The following MAGI2 variants were observed in gnomAD, a reference collection of about 807,000 sequenced individuals.
MAGI2 encodes the protein membrane associated guanylate kinase, WW and PDZ domain containing 2.
A neutral mutation model predicts 133.3 loss-of-function variants in MAGI2; 35 were observed. The ratio of observed to expected loss-of-function variants is 0.26; its 90% CI spans 0.20 to 0.35. The LOEUF is 0.35. Ranked by LOEUF, MAGI2 falls within the 10% of genes least tolerant of loss-of-function variation. MAGI2 has a pLI of 1.00. For missense variants in MAGI2, 1,636 were observed against 1,863.4 expected (o/e 0.88, Z 2.25); for synonymous variants, 729 against 710.6 (o/e 1.03, Z -0.41).
intron 2 of MAGI2, among the ~76,000 whole-genome samples, chr7:78,690,363 A>G (rs1249322797): frequency 6.6e-6 from 1 of 152,204 alleles, no homozygotes; most frequent in Non-Finnish European, 1.5e-5. Context: ...ACAACAGGGA[A>G]GGCTGACAGT....
chr7:79,063,502 C>T (rs536672564), intron 1 of MAGI2, among the ~76,000 whole-genome samples: 1 of 152,090 alleles, frequency 6.6e-6, no homozygotes, highest in African/African-American at 2.4e-5. Context: ...CCCCTAGTGG[C>T]CAGCTAATTG....
chr7:78,119,269 T>G (rs1219032321), intron 20 of MAGI2, among the ~76,000 whole-genome samples: 1 of 152,134 alleles, frequency 6.6e-6, no homozygotes, highest in Non-Finnish European at 1.5e-5. Context: ...CCATAGAATG[T>G]ACGACACCGG....
intron 16 of MAGI2, among the ~76,000 whole-genome samples, chr7:78,159,111 G>A (rs972290162): frequency 1.3e-5 from 2 of 152,078 alleles, no homozygotes; most frequent in African/African-American, 4.8e-5. Context: ...ATCCCTGAAT[G>A]CTCGGGGAGA....
At chr7:79,181,874 A>G (rs1301132680) in intron 1 of MAGI2, among the ~76,000 whole-genome samples, 2 of 151,942 alleles carry the variant, frequency 1.3e-5, no homozygotes, top group Non-Finnish European at 2.9e-5. Flanking sequence ...TGTTCCACAA[A>G]TCTCTAGGAC....
chr7:78,226,546 C>T (rs1487550604), intron 10 of MAGI2, among the ~76,000 whole-genome samples: 2 of 152,202 alleles, frequency 1.3e-5, no homozygotes, highest in Non-Finnish European at 2.9e-5. Flanking sequence ...TTCAGATATT[C>T]TGGCTGAAGT....
At chr7:79,160,312 C>A (rs1008945754) in intron 1 of MAGI2, among the ~76,000 whole-genome samples, 74 of 151,840 alleles carry the variant, frequency 4.9e-4, no homozygotes, top group African/African-American at 1.5e-3. Flanking sequence ...AAAAATCATA[C>A]AGATAAAACA....
intron 13 of MAGI2, 63 bp from the exon 14 acceptor site, chr7:78,178,165 G>T: frequency 2.0e-6 from 2 of 990,464 alleles, no homozygotes; most frequent in South Asian, 1.3e-5. Context: ...CTGAGGAACT[G>T]AACATACCAA....
At position 79,006,042 on chromosome 7, in the gene MAGI2, T is replaced by A. The variant is rs1807405835; in HGVS notation, c.418+1048A>T. Among the ~76,000 whole-genome samples, 4 of 152,150 alleles carry A rather than the reference T, an allele frequency of 2.6e-5. No homozygotes were observed. The South Asian group carries it at 8.3e-4, about 32-fold the overall frequency. On this transcript the variant is annotated intron_variant, in intron 2 of 21. Transcript: ENST00000354212. ...AAGTCCACCTCTCCTAAAAGGTGGG[T>A]AGGTCAATAGGGCTGGGTGATAACC...
intron 1 of MAGI2, among the ~76,000 whole-genome samples, chr7:79,318,199 A>G (rs1838890851): frequency 6.6e-6 from 1 of 152,146 alleles, no homozygotes; most frequent in South Asian, 2.1e-4. Flanking sequence ...ACCTCTATAT[A>G]TTCAGGTGCC....
intron 15 of MAGI2, among the ~76,000 whole-genome samples, chr7:78,163,692 G>A (rs1027608718): frequency 4.6e-5 from 7 of 151,934 alleles, no homozygotes; most frequent in African/African-American, 1.4e-4. Flanking sequence ...GGATCACGAG[G>A]TCAGGAGATA....
intron 3 of MAGI2, among the ~76,000 whole-genome samples, chr7:78,583,128 G>A (rs1803013885): frequency 6.6e-6 from 1 of 152,176 alleles, no homozygotes; most frequent in Admixed American, 6.5e-5. Context: ...TCCACCTTGA[G>A]ATGACTTGCT....
chr7:78,490,497 AT>A (rs1342688548), intron 5 of MAGI2, among the ~76,000 whole-genome samples: 5 of 152,110 alleles, frequency 3.3e-5, no homozygotes, highest in Admixed American at 2.6e-4. Context: ...TTTGAAAAAA[AT>A]GTTTTCTTGT....
At chr7:78,364,875 A>G (rs1397983334) in intron 7 of MAGI2, among the ~76,000 whole-genome samples, 1 of 152,192 alleles carries the variant, frequency 6.6e-6, no homozygotes, top group African/African-American at 2.4e-5. Flanking sequence ...CTAGTTAGCA[A>G]TTTTAGGACT....
chr7:78,301,376 C>T (rs1004837318), intron 9 of MAGI2, among the ~76,000 whole-genome samples: 2 of 152,176 alleles, frequency 1.3e-5, no homozygotes, highest in Non-Finnish European at 1.5e-5. Flanking sequence ...CTGACACAAA[C>T]GCTCTTAAGA....
At chr7:78,976,557 C>CT (rs1441682008) in intron 2 of MAGI2, among the ~76,000 whole-genome samples, 1 of 151,154 alleles carries the variant, frequency 6.6e-6, no homozygotes, top group Admixed American at 6.6e-5. Context: ...AAAATATGTC[C>CT]TTTTTTCACC....
At chr7:79,073,110 T>C (rs1369274801) in intron 1 of MAGI2, among the ~76,000 whole-genome samples, 1 of 152,200 alleles carries the variant, frequency 6.6e-6, no homozygotes, top group Admixed American at 6.5e-5. Context: ...TTATGTCATC[T>C]AAAATCTTAT....
At chr7:79,302,790 T>G (rs2129559835) in intron 1 of MAGI2, among the ~76,000 whole-genome samples, 1 of 152,314 alleles carries the variant, frequency 6.6e-6, no homozygotes, top group South Asian at 2.1e-4. Flanking sequence ...CAGCATGAGC[T>G]TATGATAAAA....
At chr7:78,195,250 A>G (rs1563245152) in intron 11 of MAGI2, among the ~76,000 whole-genome samples, 187 bp from the exon 12 acceptor site, 2 of 152,230 alleles carry the variant, frequency 1.3e-5, no homozygotes, top group Non-Finnish European at 2.9e-5. Flanking sequence ...ACTGTTATAA[A>G]TACAAGTGGT....
intron 9 of MAGI2, among the ~76,000 whole-genome samples, chr7:78,275,503 T>A (rs1044386314): frequency 7.2e-6 from 1 of 139,418 alleles, no homozygotes; most frequent in Non-Finnish European, 1.5e-5. Flanking sequence ...AGTGACAGAA[T>A]TAGCTATATT....
Sources: gnomAD v4.1 joint callset for allele counts (sites outside exome capture counted in the v4.1 genomes callset) on GRCh38, gnomAD v4.1.1 for gene constraint, MANE v1.5 for transcripts, NCBI Gene and HGNC (gene_info 2026-07-23, HGNC 2026-07-21) for gene names.